SERTAD2: variants seen among roughly 807,000 people sequenced by gnomAD.
SERTAD2 encodes the protein SERTA domain-containing protein 2.
Under a neutral mutation model 15.4 loss-of-function variants are expected in SERTAD2, and 2 were observed. The ratio of observed to expected loss-of-function variants is 0.13; its 90% CI spans 0.05 to 0.41. The LOEUF (loss-of-function observed/expected upper bound fraction) is 0.41, where lower values mean the gene tolerates loss of function less well. Among genes scored for constraint, SERTAD2 ranks in the 10% least tolerant of loss-of-function variants. The probability of loss-of-function intolerance (pLI) is 0.99; values close to 1 mark genes in which losing one functional copy is unlikely to be tolerated. For synonymous variants in SERTAD2, 180 were observed against 178.0 expected (o/e 1.01, Z -0.09); for missense variants, 333 against 409.7 (o/e 0.81, Z 1.62).
chr2:64,636,872 A>G lies in SERTAD2; in HGVS notation c.-1T>C, dbSNP rs201617089. ...TCCGTTTTCCTCCTTTACCCAACAT[A>G]TATCTGCAGAGGGGAGAGAGAGGAA... On this transcript the variant is annotated 5_prime_UTR_variant, in exon 2 of 2. Transcript: ENST00000313349. 6.9e-6 allele frequency: 11 copies of G among 1,602,370 alleles called. No homozygotes were observed. Among genetic ancestry groups the G allele is most frequent in the African/African-American group, 2.7e-5 (2 of 74,704 alleles).
rs1300848809 is a variant in SERTAD2 at position 64,633,944 on chromosome 2, G to A, written c.*1983C>T. ...GATGAGCAGTTCCTTCATCACAAAC[G>A]TCTTTGCTTTGCCATGTGCATTACA... On this transcript the variant is annotated 3_prime_UTR_variant, in exon 2 of 2. Coordinates refer to ENST00000313349, the MANE Select transcript of SERTAD2 (RefSeq NM_014755.3). The A allele has an allele frequency of 3.3e-5, 5 of 152,544 alleles. No individual in the cohort carries two copies. Among genetic ancestry groups the A allele is most frequent in the Non-Finnish European group, 7.4e-5 (5 of 68,024 alleles). The allele number at this position is 152,544 out of a possible 1,614,324, so 9.4% of individuals were successfully genotyped here.
rs752034899 is a variant in SERTAD2, at chr2:64,636,724, T to C, written c.148A>G (p.Asn50Asp). The stretch of plus-strand genomic sequence containing the variant: ...CTGGGCTCTGTCAGGGGCCTGTGGT[T>C]ATAGAGTTTCATAAGGGAAATGTTG... ...IFNISLMKLY[N>D]HRPLTEPSLQ... is the part of the protein sequence containing the mutation. Residue 50 changes from asparagine (N) to aspartate (D), a missense_variant, in exon 2 of 2, where the codon AAC (asparagine) becomes GAC (aspartate). Around this residue, in one of 2 missense-constraint regions of SERTAD2, gnomAD observed 332 missense variants for 392.9 expected, o/e 0.84. Transcript: ENST00000313349. The C allele has an allele frequency of 6.2e-7, 1 of 1,614,082 alleles. No homozygotes were observed. The highest frequency in any genetic ancestry group is 8.5e-7 in the Non-Finnish European group (1 of 1,180,020).
chr2:64,638,391 C>A (rs894378613), intron 1 of SERTAD2, among the ~76,000 whole-genome samples: 2 of 152,242 alleles, frequency 1.3e-5, no homozygotes, highest in African/African-American at 4.8e-5. Context: ...CACCTGATCA[C>A]CATTTTGAAT....
rs756660840 is a variant in SERTAD2 at position 64,636,044 on chromosome 2, G to A, written c.828C>T (p.Ala276=). 18 of 1,613,966 alleles carry A rather than the reference G, an allele frequency of 1.1e-5. No individual in the cohort carries two copies. The highest frequency in any genetic ancestry group is 6.6e-5 in the South Asian group (6 of 91,074). ...GTASKMAPVS[A]DDLLKTLAPY... ...GAGCCAGAGTTTTGAGGAGGTCGTC[G>A]GCAGACACAGGGGCCATTTTTGAGG... is the stretch of plus-strand genomic sequence containing the variant. Residue 276 remains alanine, a synonymous_variant, in exon 2 of 2, where the codon GCC becomes GCT. Coordinates refer to ENST00000313349, the MANE Select transcript of SERTAD2 (RefSeq NM_014755.3).
intron 1 of SERTAD2, among the ~76,000 whole-genome samples, chr2:64,645,567 T>A (rs77017011): frequency 6.6e-6 from 1 of 152,366 alleles, no homozygotes; most frequent in East Asian, 1.9e-4. Flanking sequence ...TTTCCAATAC[T>A]GGAGGTTTGT....
At chr2:64,643,851 G>A (rs978732511) in intron 1 of SERTAD2, among the ~76,000 whole-genome samples, 6 of 150,234 alleles carry the variant, frequency 4.0e-5, no homozygotes, top group African/African-American at 1.5e-4. Flanking sequence ...GGGTGACAGA[G>A]TAAAACTCCG....
chr2:64,642,732 G>A (rs1674802452), intron 1 of SERTAD2, among the ~76,000 whole-genome samples: 2 of 152,286 alleles, frequency 1.3e-5, no homozygotes, highest in Admixed American at 1.3e-4. Context: ...GGGGGGGCAG[G>A]GGCAGTGTGG....
chr2:64,652,218 T>A (rs556533650), intron 1 of SERTAD2, among the ~76,000 whole-genome samples: 1 of 152,280 alleles, frequency 6.6e-6, no homozygotes, highest in South Asian at 2.1e-4. Context: ...AGGATGGATA[T>A]TTTCATCTTC....
At chr2:64,641,384 G>C (rs1413606065) in intron 1 of SERTAD2, among the ~76,000 whole-genome samples, 1 of 152,180 alleles carries the variant, frequency 6.6e-6, no homozygotes, top group Non-Finnish European at 1.5e-5. Flanking sequence ...GGGCGGCCGG[G>C]AGACTGCTGG....
chr2:64,647,847 T>A (rs929570560), intron 1 of SERTAD2, among the ~76,000 whole-genome samples: 1 of 152,206 alleles, frequency 6.6e-6, no homozygotes, highest in African/African-American at 2.4e-5. Context: ...GGAATAAAAG[T>A]AAAGTATGCT....
intron 1 of SERTAD2, among the ~76,000 whole-genome samples, chr2:64,639,118 G>GTT (rs1283509784): frequency 2.6e-5 from 4 of 152,182 alleles, no homozygotes; most frequent in Non-Finnish European, 5.9e-5. Context: ...TAAGATTTAT[G>GTT]TTATGTTATA....
In SERTAD2 at chr2:64,635,983, A is replaced by C; in HGVS notation, c.889T>G (p.Phe297Val). The change falls in exon 2 of 2, where the codon TTC (phenylalanine) becomes GTC (valine). Residue 297 changes from phenylalanine to valine, a missense_variant. This residue lies in a region of SERTAD2 where 332 missense variants were observed against 392.9 expected (regional missense o/e 0.84). Coordinates refer to ENST00000313349, the MANE Select transcript of SERTAD2 (RefSeq NM_014755.3). ...SSQPVTPSQPFKMDLTELDHI... is the reference protein window; with the variant it reads ...SSQPVTPSQPVKMDLTELDHI... ...TCCAGCTCTGTGAGGTCCATTTTGA[A>C]AGGCTGACTTGGGGTGACAGGCTGA... 1 of 1,614,026 alleles carries C rather than the reference A, an allele frequency of 6.2e-7. No homozygotes were observed. Among genetic ancestry groups the C allele is most frequent in the Non-Finnish European group, 8.5e-7 (1 of 1,179,986 alleles).
intron 1 of SERTAD2, among the ~76,000 whole-genome samples, chr2:64,652,335 C>T (rs146500496): frequency 2.0e-5 from 3 of 152,086 alleles, no homozygotes; most frequent in Non-Finnish European, 4.4e-5. Flanking sequence ...GCAACTACCC[C>T]CAACCCCCAT....
rs1674640167 is a variant in SERTAD2, at chr2:64,635,561, TA to T, written c.*365del. ...TAGTTTTCTTCTTTACCTCTTGCAATAAAACTTATAGAAAAAATAGACAAAT... is the reference window on the plus strand; with the variant it reads ...TAGTTTTCTTCTTTACCTCTTGCAATAAACTTATAGAAAAAATAGACAAAT... On this transcript the variant is annotated 3_prime_UTR_variant, in exon 2 of 2. Coordinates refer to ENST00000313349, the MANE Select transcript of SERTAD2 (RefSeq NM_014755.3). The T allele has an allele frequency of 5.6e-6, 1 of 179,494 alleles. No homozygotes were observed. Among genetic ancestry groups the T allele is most frequent in the African/African-American group, 2.4e-5 (1 of 42,290 alleles). The allele number at this position is 179,494 out of a possible 1,614,324, so 11.1% of individuals were successfully genotyped here.
intron 1 of SERTAD2, among the ~76,000 whole-genome samples, chr2:64,648,744 T>C (rs143801513): frequency 6.6e-5 from 10 of 152,258 alleles, no homozygotes; most frequent in African/African-American, 1.2e-4. Context: ...ACCTGAAGAA[T>C]TGAATTTTTA....
intron 1 of SERTAD2, among the ~76,000 whole-genome samples, chr2:64,647,804 A>G (rs1451607498): frequency 6.6e-6 from 1 of 152,224 alleles, no homozygotes; most frequent in Non-Finnish European, 1.5e-5. Flanking sequence ...TCTAGGTTTT[A>G]TTAGACAACT....
intron 1 of SERTAD2, among the ~76,000 whole-genome samples, chr2:64,637,691 C>T (rs1674689429): frequency 6.6e-6 from 1 of 152,298 alleles, no homozygotes; most frequent in South Asian, 2.1e-4. Context: ...CAAACTACCT[C>T]CTGTGATTCC....
In SERTAD2 at chr2:64,632,512, C is replaced by T. The variant is rs1674556069; in HGVS notation, c.*3415G>A. The T allele has an allele frequency of 6.6e-6, 1 of 152,572 alleles. No homozygotes were observed. Among genetic ancestry groups the T allele is most frequent in the Non-Finnish European group, 1.5e-5 (1 of 68,036 alleles). 9.5% of individuals were successfully genotyped at this position (152,572 alleles called of 1,614,324 possible). On this transcript the variant is annotated 3_prime_UTR_variant, in exon 2 of 2. Transcript: ENST00000313349. Reference sequence around the variant, plus strand: ...GAGGAGGCTCTGGCCACTGCTCACCCTTTGGTATGAACAAGGGTGCCCATG... The same window carrying T: ...GAGGAGGCTCTGGCCACTGCTCACCTTTTGGTATGAACAAGGGTGCCCATG...
intron 1 of SERTAD2, among the ~76,000 whole-genome samples, chr2:64,637,719 T>G (rs931738399): frequency 6.6e-6 from 1 of 152,202 alleles, no homozygotes; most frequent in Admixed American, 6.5e-5. Context: ...CATGCATATT[T>G]TGAGGAAACC....
Sources: allele counts gnomAD v4.1 joint callset (sites outside exome capture counted in the v4.1 genomes callset), GRCh38; gene constraint gnomAD v4.1.1; regional missense constraint gnomAD v4.1.1; transcripts MANE v1.5; gene names NCBI Gene and HGNC (gene_info 2026-07-23, HGNC 2026-07-21).